The following MACF1 variants were observed in gnomAD, a reference collection of about 807,000 sequenced individuals.
MACF1 encodes the protein microtubule-actin cross-linking factor 1.
Under a neutral mutation model 854.8 loss-of-function variants are expected in MACF1, and 193 were observed. The ratio of observed to expected loss-of-function variants is 0.23; its 90% confidence interval spans 0.20 to 0.25. The LOEUF is 0.25. Among genes scored for constraint, MACF1 ranks in the 10% least tolerant of loss-of-function variants. MACF1 has a pLI of 1.00. For missense variants in MACF1, 7,722 were observed against 8,929.1 expected, an observed-to-expected ratio of 0.86 and a Z score of 5.45; for synonymous variants, 3,185 against 3,226.7, an observed-to-expected ratio of 0.99 and a Z score of 0.44.
rs115959170 is a variant in MACF1, at chr1:39,283,587, T to G, written c.915+72T>G. The G allele has an allele frequency of 1.9e-3, 1,964 of 1,049,758 alleles. 26 individuals are homozygous for G. In the African/African-American group the frequency reaches 0.025, roughly 13 times the overall value. 65.0% of individuals were successfully genotyped at this position (1,049,758 alleles called of 1,614,324 possible). ...GGTGAAATGCATTGGTTAGACACTTTCTTAAGCACTTATGGTATACTCATG... is the reference window on the plus strand; with the variant it reads ...GGTGAAATGCATTGGTTAGACACTTGCTTAAGCACTTATGGTATACTCATG... On this transcript the variant is annotated intron_variant, in intron 9 of 100. Coordinates refer to ENST00000564288, the MANE Select transcript of MACF1 (RefSeq NM_001394062.1). The surrounding 1 kb of genome is among the most constrained non-coding windows in gnomAD (Gnocchi z 4.5).
intron 43 of MACF1, among the ~76,000 whole-genome samples, 194 bp from the exon 44 acceptor site, chr1:39,352,812 AT>A (rs1334655912): frequency 1.3e-5 from 2 of 151,928 alleles, no homozygotes; most frequent in African/African-American, 4.8e-5. Context: ...ATATAATGAA[AT>A]GTAGAGATAT....
chr1:39,265,558 C>T (rs1007827899), intron 6 of MACF1, among the ~76,000 whole-genome samples: 2 of 152,120 alleles, frequency 1.3e-5, no homozygotes, highest in Non-Finnish European at 2.9e-5. Flanking sequence ...TATTAGCTAA[C>T]CGTTGAGCAT....
intron 2 of MACF1, among the ~76,000 whole-genome samples, chr1:39,124,459 A>G (rs866601718): frequency 5.3e-5 from 8 of 152,230 alleles, no homozygotes; most frequent in African/African-American, 1.9e-4. Context: ...CTTAGATTTA[A>G]TGAAATTTAG....
chr1:39,483,379 C>G (rs898888265), intron 99 of MACF1, among the ~76,000 whole-genome samples: 23 of 152,162 alleles, frequency 1.5e-4, no homozygotes, highest in African/African-American at 5.6e-4. Flanking sequence ...CAAGACCTCT[C>G]TACTAAGGTC....
intron 69 of MACF1, among the ~76,000 whole-genome samples, chr1:39,435,185 A>G (rs924343329): frequency 1.3e-5 from 2 of 152,246 alleles, no homozygotes; most frequent in Admixed American, 1.3e-4. Flanking sequence ...TTGGTATCTC[A>G]GTCTGGGGAG....
At chr1:39,261,406 T>G (rs1471087586) in intron 6 of MACF1, among the ~76,000 whole-genome samples, 1 of 152,196 alleles carries the variant, frequency 6.6e-6, no homozygotes, top group Non-Finnish European at 1.5e-5. Context: ...CATAATCTAG[T>G]TTGGGGACAT....
chr1:39,158,544 C>G (rs1420695091), intron 2 of MACF1, among the ~76,000 whole-genome samples: 1 of 152,152 alleles, frequency 6.6e-6, no homozygotes, highest in Non-Finnish European at 1.5e-5. Context: ...AGATTTTGTT[C>G]TCAAATGTTA....
chr1:39,195,692 G>A (rs74066703), intron 2 of MACF1, among the ~76,000 whole-genome samples: 4,870 of 152,234 alleles, frequency 0.032, 272 homozygotes, highest in African/African-American at 0.11. Context: ...AAGGAAAAAC[G>A]TGCCAGGATA....
chr1:39,234,331 G>T (rs954436463), intron 2 of MACF1, among the ~76,000 whole-genome samples: 4 of 151,478 alleles, frequency 2.6e-5, no homozygotes. Context: ...GGTGGTGGCC[G>T]GGCAGAGGGG....
At chr1:39,201,955 C>CT (rs748333630), upstream of MACF1, among the ~76,000 whole-genome samples, 34 of 52,362 alleles carry the variant, frequency 6.5e-4, 2 homozygotes, top group African/African-American at 2.3e-3. Flanking sequence ...TGCTCATATT[C>CT]TTTTTTTTTT....
At chr1:39,201,267 A>G (rs553383057), upstream of MACF1, among the ~76,000 whole-genome samples, 5 of 152,096 alleles carry the variant, frequency 3.3e-5, no homozygotes, top group African/African-American at 7.2e-5. Flanking sequence ...GTAGCCACCA[A>G]TTTTCACTTG....
intron 56 of MACF1, among the ~76,000 whole-genome samples, chr1:39,383,355 G>T (rs1271059576): frequency 2.0e-5 from 3 of 151,972 alleles, no homozygotes; most frequent in Admixed American, 6.6e-5. Flanking sequence ...TCTAATCCGG[G>T]ATTTTCAAAC....
intron 15 of MACF1, 108 bp from the exon 16 acceptor site, chr1:39,291,802 T>G: frequency 8.8e-7 from 1 of 1,133,598 alleles, no homozygotes; most frequent in South Asian, 1.7e-5. Flanking sequence ...CTGGATGTCC[T>G]TTTGCTCAGT....
intron 70 of MACF1, 26 bp from the exon 71 acceptor site, chr1:39,437,751 A>T: frequency 6.7e-7 from 1 of 1,496,172 alleles, no homozygotes; most frequent in Non-Finnish European, 9.3e-7. Flanking sequence ...GTATGCTGTG[A>T]TGGTAATGTT....
At chr1:39,231,155 A>G (rs778925690) in intron 1 of MACF1, 27 bp from the exon 2 acceptor site, 7 of 1,605,426 alleles carry the variant, frequency 4.4e-6, no homozygotes, top group Middle Eastern at 1.6e-4. Context: ...GCACTAAGCC[A>G]GTGCCTTCTC....
intron 2 of MACF1, chr1:39,121,092 A>C (rs1038255693): frequency 6.6e-6 from 1 of 152,216 alleles, no homozygotes; most frequent in Non-Finnish European, 1.5e-5. Context: ...TGTATTAACT[A>C]ATTTCCCTAG....
chr1:39,269,756 G>A (rs1418003495), intron 6 of MACF1: 8 of 1,262,476 alleles, frequency 6.3e-6, no homozygotes, highest in East Asian at 1.1e-4. Flanking sequence ...TCAAACTGCT[G>A]TTTGGATTCT....
chr1:39,223,249 A>T (rs1449219159), intron 1 of MACF1, among the ~76,000 whole-genome samples: 2 of 152,182 alleles, frequency 1.3e-5, no homozygotes, highest in African/African-American at 2.4e-5. Flanking sequence ...AGGTAGAGGG[A>T]TGAGTGGAAG....
At chr1:39,349,666 T>C in intron 42 of MACF1, 39 bp downstream of exon 42, 1 of 1,607,384 alleles carries the variant, frequency 6.2e-7, no homozygotes, top group Non-Finnish European at 8.5e-7. Flanking sequence ...AAAGTCTCGC[T>C]CTATCGCTTA....
Sources: gnomAD v4.1 joint callset for allele counts (sites outside exome capture counted in the v4.1 genomes callset) on GRCh38, gnomAD v4.1.1 for gene constraint, Gnocchi (gnomAD v3.1) non-coding constraint, MANE v1.5 for transcripts, NCBI Gene and HGNC (gene_info 2026-07-23, HGNC 2026-07-21) for gene names.